Variants in RIMS1 observed in about 807,000 individuals in gnomAD.
RIMS1 encodes the protein regulating synaptic membrane exocytosis protein 1.
RIMS1 carries 83 observed loss-of-function variants against 214.1 expected under a neutral mutation model. The ratio of observed to expected loss-of-function variants is 0.39; its 90% confidence interval spans 0.32 to 0.47. The LOEUF (loss-of-function observed/expected upper bound fraction) is 0.47, where lower values mean the gene tolerates loss of function less well. Among genes scored for constraint, RIMS1 ranks in the 20% least tolerant of loss-of-function variants. The pLI, the probability that RIMS1 is intolerant of heterozygous loss-of-function variation, is 0.99. For synonymous variants in RIMS1, 793 were observed against 786.8 expected, an observed-to-expected ratio of 1.01 and a Z score of -0.13; for missense variants, 2,050 against 2,161.8, an observed-to-expected ratio of 0.95 and a Z score of 1.03.
intron 6 of RIMS1, chr6:72,212,751 A>T (rs77046231): frequency 1.1e-6 from 1 of 940,528 alleles, no homozygotes. Flanking sequence ...CAGAGAGCTT[A>T]TTTCCTGAAT....
At chr6:72,248,173 AC>A (rs1225332672) in intron 12 of RIMS1, 46 bp downstream of exon 12, 1 of 1,177,966 alleles carries the variant, frequency 8.5e-7, no homozygotes, top group East Asian at 2.3e-5. Flanking sequence ...ATTTGCATAC[AC>A]TGTCTGAGTC....
In RIMS1 at chr6:72,018,439, T is replaced by C. The variant is rs571765889; in HGVS notation, c.245+49376T>C. 2.0e-5 allele frequency among the ~76,000 whole-genome samples: 3 copies of C among 152,266 alleles called. No individual in the cohort carries two copies. The South Asian group carries it at 6.2e-4, about 32-fold the overall frequency. On this transcript the variant is annotated intron_variant, in intron 2 of 33. Coordinates refer to ENST00000521978, the MANE Select transcript of RIMS1 (RefSeq NM_014989.7). ...GGGTGGAGGTTGAAATATCAATAGC[T>C]TGATTTTAGACACGATAAATCTGAG...
At chr6:72,212,578 G>A (rs2054008611) in intron 6 of RIMS1, among the ~76,000 whole-genome samples, 1 of 152,240 alleles carries the variant, frequency 6.6e-6, no homozygotes, top group East Asian at 1.9e-4. Context: ...AGAAGAGTTA[G>A]GTTAAGAAAT....
intron 2 of RIMS1, among the ~76,000 whole-genome samples, chr6:72,000,098 G>T (rs1320498220): frequency 6.6e-6 from 1 of 151,206 alleles, no homozygotes; most frequent in Non-Finnish European, 1.5e-5. Flanking sequence ...TCAAATGAGG[G>T]AAAAAAAACA....
At chr6:71,978,772 C>T (rs1279004334) in intron 2 of RIMS1, among the ~76,000 whole-genome samples, 4 of 152,010 alleles carry the variant, frequency 2.6e-5, no homozygotes, top group African/African-American at 9.7e-5. Context: ...ATGTCACAGG[C>T]TATAGTTGTA....
chr6:72,365,706 C>CG (rs1363434575), intron 29 of RIMS1: 1 of 152,212 alleles, frequency 6.6e-6, no homozygotes, highest in Non-Finnish European at 1.5e-5. Flanking sequence ...GCTGTTGACA[C>CG]AGCCCTGGAG....
intron 6 of RIMS1, chr6:72,217,110 T>A: frequency 6.5e-7 from 1 of 1,528,460 alleles, no homozygotes; most frequent in Non-Finnish European, 8.7e-7. Context: ...AATTGTGTTG[T>A]GCATTTGCTG....
Position 72,125,983 on chromosome 6 carries a change from C to T in RIMS1, c.471+25997C>T, listed in dbSNP as rs149790722. Among the ~76,000 whole-genome samples the T allele has an allele frequency of 3.2e-4, 48 of 152,256 alleles. No homozygotes were observed. In the East Asian group the frequency reaches 7.9e-3, roughly 25 times the overall value. On this transcript the variant is annotated intron_variant, in intron 4 of 33. Transcript: ENST00000521978. Reference sequence around the variant, plus strand: ...CCCTGCCCTGCTTTGGCTCACCCTCCGTGGGCTGCACCCACTGTCCAACCA... The same window carrying T: ...CCCTGCCCTGCTTTGGCTCACCCTCTGTGGGCTGCACCCACTGTCCAACCA...
At chr6:72,260,845 A>G in intron 19 of RIMS1, 78 bp downstream of exon 19, 1 of 1,570,060 alleles carries the variant, frequency 6.4e-7, no homozygotes, top group Non-Finnish European at 8.7e-7. Context: ...TCTCTCCCTT[A>G]GTGGTATTAT....
intron 4 of RIMS1, among the ~76,000 whole-genome samples, chr6:72,176,900 G>A (rs2047786758): frequency 6.6e-6 from 1 of 152,148 alleles, no homozygotes; most frequent in Non-Finnish European, 1.5e-5. Flanking sequence ...ATAATAAATT[G>A]TGTTTCTTTT....
At chr6:72,337,267 C>T (rs1225617835) in intron 29 of RIMS1, among the ~76,000 whole-genome samples, 2 of 151,814 alleles carry the variant, frequency 1.3e-5, no homozygotes. Context: ...TGTCTCCCCT[C>T]ACTCAATACT....
chr6:72,121,519 C>T (rs1251593906), intron 4 of RIMS1, among the ~76,000 whole-genome samples: 1 of 151,948 alleles, frequency 6.6e-6, no homozygotes, highest in African/African-American at 2.4e-5. Context: ...TGAGACTTTT[C>T]TGAAGTTGCT....
At chr6:72,316,503 T>A in intron 28 of RIMS1, 1 of 357,876 alleles carries the variant, frequency 2.8e-6, no homozygotes, top group South Asian at 2.4e-5. Context: ...GTTTTGAGGC[T>A]GCTGTGGTTG....
intron 24 of RIMS1, among the ~76,000 whole-genome samples, chr6:72,289,174 A>T (rs541013768): frequency 6.6e-6 from 1 of 152,314 alleles, no homozygotes; most frequent in African/African-American, 2.4e-5. Flanking sequence ...TGAAATTGTA[A>T]TATCCGTGAA....
intron 2 of RIMS1, among the ~76,000 whole-genome samples, chr6:72,022,740 C>G (rs906529028): frequency 6.6e-6 from 1 of 152,014 alleles, no homozygotes; most frequent in South Asian, 2.1e-4. Flanking sequence ...AATATTGAAA[C>G]AAAGACTCTC....
In RIMS1 at chr6:72,291,919, G is replaced by A. The variant is rs1295057192; in HGVS notation, c.3738-15G>A. The A allele has an allele frequency of 1.9e-6, 3 of 1,540,376 alleles. No homozygotes were observed. The highest frequency in any genetic ancestry group is 2.6e-6 in the Non-Finnish European group (3 of 1,136,274). ...AATTTCATTGTTTCATGCCCGCTTT[G>A]CTTTTTGCCTGCAGAATGCACCGAC... On this transcript the variant is annotated splice_polypyrimidine_tract_variant and intron_variant, in intron 25 of 33. Transcript: ENST00000521978.
chr6:72,097,099 C>G lies in RIMS1; in HGVS notation c.396C>G (p.Cys132Trp). The change falls in exon 3 of 34, where the codon TGC (cysteine) becomes TGG (tryptophan). Residue 132 changes from cysteine to tryptophan, a missense_variant. Cys to Trp is a radical substitution (Grantham distance 215). Transcript: ENST00000521978. Reference protein sequence around the residue: ...TKFADGCGHLCSYCRTKFCAR... With the variant: ...TKFADGCGHLWSYCRTKFCAR... Reference sequence around the variant, plus strand: ...TTGCTGATGGGTGCGGTCATCTCTGCTCCTATTGTCGCACTAAGTTCTGTG... The same window carrying G: ...TTGCTGATGGGTGCGGTCATCTCTGGTCCTATTGTCGCACTAAGTTCTGTG... 6.2e-7 allele frequency: 1 copy of G among 1,614,024 alleles called. No homozygotes were observed. Among genetic ancestry groups the G allele is most frequent in the Non-Finnish European group, 8.5e-7 (1 of 1,179,876 alleles).
intron 4 of RIMS1, among the ~76,000 whole-genome samples, chr6:72,134,041 C>T (rs1053669651): frequency 2.0e-5 from 3 of 152,036 alleles, no homozygotes; most frequent in Non-Finnish European, 2.9e-5. Context: ...AATATACATA[C>T]AGCACCTTTA....
chr6:72,200,451 C>T (rs2051742436), intron 6 of RIMS1, among the ~76,000 whole-genome samples: 1 of 152,180 alleles, frequency 6.6e-6, no homozygotes, highest in Non-Finnish European at 1.5e-5. Context: ...ACCTCCACTT[C>T]TTAACCTTCA....
Sources: allele counts gnomAD v4.1 joint callset (sites outside exome capture counted in the v4.1 genomes callset), GRCh38; gene constraint gnomAD v4.1.1; transcripts MANE v1.5; gene names NCBI Gene and HGNC (gene_info 2026-07-23, HGNC 2026-07-21).